The following CLNK variants were observed in gnomAD, a reference collection of about 807,000 sequenced individuals.
CLNK encodes the protein cytokine dependent hematopoietic cell linker.
CLNK carries 74 observed loss-of-function variants against 68.6 expected under a neutral mutation model. That is an observed-to-expected ratio of 1.08 (90% CI 0.89 to 1.31). CLNK has a LOEUF of 1.31. Among genes scored for constraint, CLNK ranks in the 50% most tolerant of loss-of-function variants. The pLI, the probability that CLNK is intolerant of heterozygous loss-of-function variation, is 0.00. For missense variants in CLNK, 553 were observed against 515.3 expected, an observed-to-expected ratio of 1.07 and a Z score of -0.71; for synonymous variants, 198 against 172.2, an observed-to-expected ratio of 1.15 and a Z score of -1.17.
At chr4:10,686,438 A>T (rs1331717354), upstream of CLNK, among the ~76,000 whole-genome samples, 1 of 151,706 alleles carries the variant, frequency 6.6e-6, no homozygotes, top group Non-Finnish European at 1.5e-5. Flanking sequence ...CAGTTGGATG[A>T]TCTAAGATTA....
At chr4:10,681,777 G>C (rs1725101389) in intron 1 of CLNK, among the ~76,000 whole-genome samples, 1 of 152,180 alleles carries the variant, frequency 6.6e-6, no homozygotes, top group African/African-American at 2.4e-5. Context: ...ACCATGCCGA[G>C]AGCAGGAGCT....
At chr4:10,651,611 A>G (rs1453291795) in intron 2 of CLNK, among the ~76,000 whole-genome samples, 1 of 152,228 alleles carries the variant, frequency 6.6e-6, no homozygotes, top group Non-Finnish European at 1.5e-5. Context: ...ATAAATAAAT[A>G]AAATAAAATA....
At chr4:10,721,772 G>C in the CLNK span, among the ~76,000 whole-genome samples, 1 of 152,200 alleles carries the variant, frequency 6.6e-6, no homozygotes, top group Non-Finnish European at 1.5e-5. Flanking sequence ...TCTGCATTTA[G>C]AGAGCTCACA....
chr4:10,569,908 C>T (rs1354671092), intron 5 of CLNK, among the ~76,000 whole-genome samples: 1 of 152,182 alleles, frequency 6.6e-6, no homozygotes, highest in Non-Finnish European at 1.5e-5. Context: ...AGCAGGAACT[C>T]AGTACCTGTT....
chr4:10,615,774 T>C (rs1722205771), intron 2 of CLNK, among the ~76,000 whole-genome samples: 1 of 152,190 alleles, frequency 6.6e-6, no homozygotes, highest in South Asian at 2.1e-4. Context: ...GAAATGACTC[T>C]CTAAGGTCAA....
chr4:10,510,290 A>G (rs1245746395), intron 16 of CLNK, among the ~76,000 whole-genome samples: 2 of 152,030 alleles, frequency 1.3e-5, no homozygotes, highest in Non-Finnish European at 2.9e-5. Flanking sequence ...TTCAAAAGGA[A>G]TGTTTCATTT....
At chr4:10,532,185 T>A in intron 12 of CLNK, 71 bp downstream of exon 12, 1 of 1,081,822 alleles carries the variant, frequency 9.2e-7, no homozygotes, top group South Asian at 1.3e-5. Flanking sequence ...GCAAATAGAA[T>A]CTTGCCTATT....
the CLNK span, among the ~76,000 whole-genome samples, chr4:10,703,913 A>G: frequency 1.2e-4 from 19 of 152,208 alleles, no homozygotes; most frequent in Non-Finnish European, 2.4e-4. Context: ...CCAAAATGTC[A>G]TGTGGTGCAT....
At chr4:10,690,339 G>T in the CLNK span, among the ~76,000 whole-genome samples, 1 of 152,216 alleles carries the variant, frequency 6.6e-6, no homozygotes, top group South Asian at 2.1e-4. Flanking sequence ...GAGGCAAAGG[G>T]GCATTTTGAG....
intron 4 of CLNK, among the ~76,000 whole-genome samples, chr4:10,581,420 T>C (rs1385696235): frequency 1.3e-5 from 2 of 152,170 alleles, no homozygotes; most frequent in East Asian, 3.8e-4. Flanking sequence ...TTCAGTTTAT[T>C]CACTGGACAA....
At chr4:10,683,213 C>A (rs948001245) in intron 1 of CLNK, among the ~76,000 whole-genome samples, 2 of 152,126 alleles carry the variant, frequency 1.3e-5, no homozygotes, top group Non-Finnish European at 2.9e-5. Context: ...TTTGATCAGG[C>A]GTCAAATCCT....
chr4:10,659,956 G>A (rs948234695), intron 2 of CLNK, among the ~76,000 whole-genome samples: 4 of 152,194 alleles, frequency 2.6e-5, no homozygotes, highest in Non-Finnish European at 4.4e-5. Context: ...TGTCTCATCT[G>A]TAGGGGAATG....
intron 1 of CLNK, among the ~76,000 whole-genome samples, chr4:10,669,900 C>A (rs1463966818): frequency 6.6e-6 from 1 of 152,162 alleles, no homozygotes; most frequent in African/African-American, 2.4e-5. Flanking sequence ...TCATTTCCAT[C>A]ATGGCAGTGG....
intron 2 of CLNK, among the ~76,000 whole-genome samples, chr4:10,617,207 A>G (rs1722270805): frequency 6.6e-6 from 1 of 152,088 alleles, no homozygotes; most frequent in Non-Finnish European, 1.5e-5. Flanking sequence ...CAATGCATAC[A>G]TATATAAATT....
chr4:10,699,284 A>ATGTG, the CLNK span, among the ~76,000 whole-genome samples: 6 of 20,170 alleles, frequency 3.0e-4, no homozygotes, highest in Admixed American at 5.1e-4. Flanking sequence ...CACACCACAT[A>ATGTG]CGTGTATACA....
In CLNK at chr4:10,572,629, G is replaced by T. The variant is rs942973295; in HGVS notation, c.113-851C>A. 3.9e-5 allele frequency among the ~76,000 whole-genome samples: 6 copies of T among 152,108 alleles called. 1 individual carries two copies. On this transcript the variant is annotated intron_variant, in intron 4 of 18. Transcript: ENST00000226951. The stretch of plus-strand genomic sequence containing the variant: ...TTAGCACATATGTGAGAAGTTTCAG[G>T]TCTCAGGAGCAGAAGCTGCATGCTT...
rs759477770 is a variant in CLNK at position 10,540,619 on chromosome 4, G to A, written c.492-15C>T. On this transcript the variant is annotated splice_polypyrimidine_tract_variant and intron_variant, in intron 10 of 18. Coordinates refer to ENST00000226951, the MANE Select transcript of CLNK (RefSeq NM_052964.4). The stretch of plus-strand genomic sequence containing the variant: ...TTATGAGAGGCCTGTGTGGAGAGTC[G>A]CAGTAGGGTCCTGAGAAAGTTTGCT... The A allele has an allele frequency of 1.5e-5, 23 of 1,582,922 alleles. No homozygotes were observed. The highest frequency in any genetic ancestry group is 2.2e-5 in the South Asian group (2 of 90,354).
At chr4:10,602,101 C>T (rs1577159437) in intron 2 of CLNK, among the ~76,000 whole-genome samples, 1 of 152,212 alleles carries the variant, frequency 6.6e-6, no homozygotes, top group South Asian at 2.1e-4. Flanking sequence ...TTGCATTGAT[C>T]TTTGATTTCC....
the CLNK span, among the ~76,000 whole-genome samples, chr4:10,728,892 C>T: frequency 3.9e-5 from 6 of 152,194 alleles, no homozygotes; most frequent in African/African-American, 1.2e-4. Context: ...AGCTACCACA[C>T]CCGGCCCCTT....
Sources: allele counts gnomAD v4.1 joint callset (sites outside exome capture counted in the v4.1 genomes callset), GRCh38; gene constraint gnomAD v4.1.1; transcripts MANE v1.5; gene names NCBI Gene and HGNC (gene_info 2026-07-23, HGNC 2026-07-21).